SNX19: variants seen among roughly 807,000 people sequenced by gnomAD.
SNX19 encodes the protein sorting nexin-19.
A neutral mutation model predicts 85.2 loss-of-function variants in SNX19; 60 were observed. The observed-to-expected ratio is 0.70, with a 90% confidence interval of 0.57 to 0.87. The LOEUF is 0.87. Ranked by LOEUF, SNX19 falls within the 40% of genes least tolerant of loss-of-function variation. SNX19 has a pLI of 0.00. For missense variants in SNX19, 1,201 were observed against 1,217.8 expected (o/e 0.99, Z 0.21); for synonymous variants, 520 against 470.0 (o/e 1.11, Z -1.38).
At chr11:130,896,866 T>C (rs7930661) in intron 8 of SNX19, among the ~76,000 whole-genome samples, 96,285 of 151,568 alleles carry the variant, frequency 0.64, 30,871 homozygotes, top group South Asian at 0.8. Flanking sequence ...ATAACCAATG[T>C]CACAAAGAAC....
chr11:130,903,514 A>C (rs764127200), intron 7 of SNX19, 130 bp from the exon 8 acceptor site: 37 of 915,442 alleles, frequency 4.0e-5, no homozygotes, highest in Non-Finnish European at 5.3e-5. Context: ...CAATCCCTCT[A>C]CACTCAAATC....
chr11:130,904,381 C>T (rs376818437), intron 7 of SNX19, among the ~76,000 whole-genome samples: 4 of 152,284 alleles, frequency 2.6e-5, no homozygotes, highest in Admixed American at 1.3e-4. Context: ...GAATGACTTC[C>T]GATTTGGACA....
chr11:130,868,983 C>T lies in SNX19; in HGVS notation c.*9439G>A, dbSNP rs568100417. The T allele has an allele frequency of 6.6e-6, 1 of 152,220 alleles. No homozygotes were observed. The highest frequency in any genetic ancestry group is 1.5e-5 in the Non-Finnish European group (1 of 68,050). The allele number at this position is 152,220 out of a possible 1,614,324, so 9.4% of individuals were successfully genotyped here. A position where few individuals can be genotyped will look rare whatever the true frequency, so the allele number is the denominator to read the frequency against. On this transcript the variant is annotated 3_prime_UTR_variant, in exon 11 of 11. Coordinates refer to ENST00000265909, the MANE Select transcript of SNX19 (RefSeq NM_014758.3). ...GCTTGTAGGCAAAGTCTGTTACATG[C>T]CTGTCACTGGGCTATGCACCCGAGG...
rs1238494707 is a variant in SNX19 at position 130,915,594 on chromosome 11, A to T, written c.346T>A (p.Ser116Thr). ...IQMIIRDFVL[S>T]WYRSVSQEPA... The stretch of plus-strand genomic sequence containing the variant: ...TCCTGGCTCACGGAACGGTACCAAG[A>T]TAACACAAAATCTCGAATAATCATC... Residue 116 changes from serine to threonine, a missense_variant, in exon 1 of 11, where the codon TCT becomes ACT. Transcript: ENST00000265909. The T allele has an allele frequency of 1.9e-6, 3 of 1,614,130 alleles. No homozygotes were observed. Among genetic ancestry groups the T allele is most frequent in the Non-Finnish European group, 2.5e-6 (3 of 1,180,048 alleles).
intron 8 of SNX19, among the ~76,000 whole-genome samples, chr11:130,884,989 T>C (rs1368310223): frequency 1.3e-5 from 2 of 151,926 alleles, no homozygotes; most frequent in Non-Finnish European, 2.9e-5. Context: ...TGGTAGAGAA[T>C]AGCCTCAGAT....
chr11:130,907,812 G>C (rs996642650), intron 5 of SNX19, 141 bp downstream of exon 5: 1 of 1,286,568 alleles, frequency 7.8e-7, no homozygotes. Context: ...GAGGAGCCTG[G>C]GGTCTAGCTT....
In SNX19 at chr11:130,915,670, T is replaced by C; in HGVS notation, c.270A>G (p.Pro90=). Residue 90 remains proline (P), a synonymous_variant, in exon 1 of 11, where the codon CCA becomes CCG. Transcript: ENST00000265909. ...CCAGCTGCCTTTCTGCCTCAGGGCA[T>C]GGAGGACAGGTGGCCAACGGGATGA... ...ERFIPLATCP[P]CPEAERQLER... is the part of the protein sequence containing the mutation. The C allele has an allele frequency of 1.2e-6, 2 of 1,614,238 alleles. No homozygotes were observed. Among genetic ancestry groups the C allele is most frequent in the Non-Finnish European group, 1.7e-6 (2 of 1,180,052 alleles).
In SNX19 at chr11:130,908,057, G is replaced by T. The variant is rs1358400175; in HGVS notation, c.2061C>A (p.Thr687=). 2.5e-6 allele frequency: 4 copies of T among 1,614,116 alleles called. No homozygotes were observed. In the East Asian group the frequency reaches 8.9e-5, roughly 36 times the overall value. ...CAGAGCGAGGAAACGCTGTCTTCAAGGTGTCCACAATGGCACTCACCACCA... is the reference window on the plus strand; with the variant it reads ...CAGAGCGAGGAAACGCTGTCTTCAATGTGTCCACAATGGCACTCACCACCA... The part of the protein sequence containing the change: ...DKMVVSAIVD[T]LKTAFPRSEP... Residue 687 remains threonine, a synonymous_variant, in exon 5 of 11, where the codon ACC becomes ACA. Coordinates refer to ENST00000265909, the MANE Select transcript of SNX19 (RefSeq NM_014758.3).
chr11:130,885,344 C>T (rs1943982233), intron 8 of SNX19, among the ~76,000 whole-genome samples: 1 of 152,098 alleles, frequency 6.6e-6, no homozygotes, highest in Non-Finnish European at 1.5e-5. Flanking sequence ...CTGAAATAGC[C>T]GCAGATAGGG....
chr11:130,887,743 A>G (rs138098637), intron 8 of SNX19, among the ~76,000 whole-genome samples: 2 of 152,290 alleles, frequency 1.3e-5, no homozygotes, highest in Non-Finnish European at 2.9e-5. Flanking sequence ...AAATTCAGCT[A>G]TTATTTCTCC....
rs1171720522 is a variant in SNX19 at position 130,866,750 on chromosome 11, T to C, written c.*11672A>G. The C allele has an allele frequency of 1.3e-5, 2 of 152,224 alleles. No individual in the cohort carries two copies. Among genetic ancestry groups the C allele is most frequent in the Non-Finnish European group, 2.9e-5 (2 of 68,046 alleles). The allele number at this position is 152,224 out of a possible 1,614,324, so 9.4% of individuals were successfully genotyped here. On this transcript the variant is annotated 3_prime_UTR_variant, in exon 11 of 11. Transcript: ENST00000265909. ...GAACAGAAAGACCTTGGGTGAACTTTTCATTGAAACACTGAAGGCTTTAGG... is the reference window on the plus strand; with the variant it reads ...GAACAGAAAGACCTTGGGTGAACTTCTCATTGAAACACTGAAGGCTTTAGG...
At position 130,875,853 on chromosome 11, in the gene SNX19, A is replaced by C. The variant is rs549371232; in HGVS notation, c.*2569T>G. 1 of 152,302 alleles carries C rather than the reference A, an allele frequency of 6.6e-6. No individual in the cohort carries two copies. The highest frequency in any genetic ancestry group is 2.1e-4 in the South Asian group (1 of 4,824). The allele number at this position is 152,302 out of a possible 1,614,324, so 9.4% of individuals were successfully genotyped here. On this transcript the variant is annotated 3_prime_UTR_variant, in exon 11 of 11. Coordinates refer to ENST00000265909, the MANE Select transcript of SNX19 (RefSeq NM_014758.3). ...GAACTTAATGTATAATAATAATAAA[A>C]ATAAAATTTATACATGCTCCTAGGC...
intron 1 of SNX19, among the ~76,000 whole-genome samples, chr11:130,913,249 G>C (rs965226219): frequency 1.1e-4 from 17 of 152,056 alleles, no homozygotes; most frequent in Admixed American, 2.0e-4. Context: ...CATGGCATAG[G>C]GGCATCCAGA....
Position 130,915,720 on chromosome 11 carries a change from A to G in SNX19, c.220T>C (p.Ser74Pro), listed in dbSNP as rs774495778. The G allele has an allele frequency of 6.2e-6, 10 of 1,614,108 alleles. No homozygotes were observed. The highest frequency in any genetic ancestry group is 8.5e-6 in the Non-Finnish European group (10 of 1,180,048). ...WLGSSLAGVA[S>P]GRLHLERFIP... ...AAGCGTTCCAGATGCAGTCGACCTGAAGCCACTCCAGCGAGGCTGGAGCCC... is the reference window on the plus strand; with the variant it reads ...AAGCGTTCCAGATGCAGTCGACCTGGAGCCACTCCAGCGAGGCTGGAGCCC... The change falls in exon 1 of 11, where the codon TCA becomes CCA. Residue 74 changes from serine (S) to proline (P), a missense_variant. Coordinates refer to ENST00000265909, the MANE Select transcript of SNX19 (RefSeq NM_014758.3).
Position 130,906,048 on chromosome 11 carries a change from G to C in SNX19, c.2348C>G (p.Pro783Arg), listed in dbSNP as rs1339317369. The change falls in exon 7 of 11, where the codon CCA becomes CGA. Residue 783 changes from proline to arginine, a missense_variant. Physicochemically the swap from Pro to Arg is moderately radical, Grantham distance 103. Coordinates refer to ENST00000265909, the MANE Select transcript of SNX19 (RefSeq NM_014758.3). The part of the protein sequence containing the change: ...KLLEMQPTKA[P>R]EKDPEQPPKG... ...GGGAGGTTGTTCAGGATCTTTTTCT[G>C]GGGCTTTTGTTGGCTGCATTTCCAG... is the stretch of plus-strand genomic sequence containing the variant. 3.1e-6 allele frequency: 5 copies of C among 1,614,130 alleles called. No individual in the cohort carries two copies. The highest frequency in any genetic ancestry group is 4.2e-6 in the Non-Finnish European group (5 of 1,180,024).
Position 130,908,056 on chromosome 11 carries a change from A to G in SNX19, c.2062T>C (p.Leu688=), listed in dbSNP as rs750331383. Residue 688 remains leucine (L), a synonymous_variant, in exon 5 of 11, where the codon TTG becomes CTG. Transcript: ENST00000265909. ...TCAGAGCGAGGAAACGCTGTCTTCA[A>G]GGTGTCCACAATGGCACTCACCACC... ...KMVVSAIVDT[L]KTAFPRSEPQ... is the part of the protein sequence containing the mutation. The G allele has an allele frequency of 6.2e-7, 1 of 1,614,110 alleles. No individual in the cohort carries two copies. Among genetic ancestry groups the G allele is most frequent in the Non-Finnish European group, 8.5e-7 (1 of 1,180,008 alleles).
intron 8 of SNX19, among the ~76,000 whole-genome samples, chr11:130,883,822 G>A (rs1334983624): frequency 6.6e-6 from 1 of 152,086 alleles, no homozygotes; most frequent in Non-Finnish European, 1.5e-5. Context: ...TAAAAATGAT[G>A]AGCACGCCAA....
At chr11:130,894,646 G>A (rs1944747374) in intron 8 of SNX19, 1 of 985,334 alleles carries the variant, frequency 1.0e-6, no homozygotes, top group Non-Finnish European at 1.2e-6. Context: ...CCATGCAGCA[G>A]CAGTTTGGTA....
At chr11:130,901,725 C>T (rs1000201090) in intron 8 of SNX19, 1 of 152,100 alleles carries the variant, frequency 6.6e-6, no homozygotes, top group Non-Finnish European at 1.5e-5. Context: ...CAAAGCGTTA[C>T]CTAGAGCCCC....
Sources: allele counts gnomAD v4.1 joint callset (sites outside exome capture counted in the v4.1 genomes callset), GRCh38; gene constraint gnomAD v4.1.1; transcripts MANE v1.5; gene names NCBI Gene and HGNC (gene_info 2026-07-23, HGNC 2026-07-21).